AGAP3: variants seen among roughly 807,000 people sequenced by gnomAD.
The protein encoded by AGAP3 is ArfGAP with GTPase domain, ankyrin repeat and PH domain 3, also known as arf-GAP with GTPase, ANK repeat and PH domain-containing protein 3.
A neutral mutation model predicts 96.9 loss-of-function variants in AGAP3; 24 were observed. That is an observed-to-expected ratio of 0.25 (90% CI 0.18 to 0.35). The LOEUF is 0.35. Ranked by LOEUF, AGAP3 falls within the 10% of genes least tolerant of loss-of-function variation. The pLI, the probability that AGAP3 is intolerant of heterozygous loss-of-function variation, is 1.00. For synonymous variants in AGAP3, 563 were observed against 536.1 expected, an observed-to-expected ratio of 1.05 and a Z score of -0.69; for missense variants, 876 against 1,254.2, an observed-to-expected ratio of 0.70 and a Z score of 4.55.
intron 1 of AGAP3, among the ~76,000 whole-genome samples, chr7:151,107,116 C>T (rs1799087831): frequency 6.6e-6 from 1 of 151,916 alleles, no homozygotes; most frequent in African/African-American, 2.4e-5. Context: ...TCGAGACCAG[C>T]CTGGCCAACA....
chr7:151,100,465 G>A (rs141669027), intron 1 of AGAP3, among the ~76,000 whole-genome samples: 4 of 152,298 alleles, frequency 2.6e-5, no homozygotes, highest in East Asian at 1.9e-4. Flanking sequence ...CAGCAGCTAC[G>A]CCAGTGTCGG....
intron 1 of AGAP3, among the ~76,000 whole-genome samples, chr7:151,110,453 CG>C (rs1799233779): frequency 6.6e-6 from 1 of 150,948 alleles, no homozygotes; most frequent in African/African-American, 2.4e-5. Flanking sequence ...GGGATGGAGG[CG>C]GGTCCTGGGG....
chr7:151,106,549 C>CCCA (rs1799061868), intron 1 of AGAP3, among the ~76,000 whole-genome samples: 1 of 152,042 alleles, frequency 6.6e-6, no homozygotes, highest in African/African-American at 2.4e-5. Context: ...GCAGTCTTGA[C>CCCA]CCACTGCAGC....
chr7:151,128,464 A>G (rs1415319343), intron 9 of AGAP3, 116 bp from the exon 10 acceptor site: 1 of 800,130 alleles, frequency 1.2e-6, no homozygotes, highest in African/African-American at 1.7e-5. Context: ...CTTTGCTCAA[A>G]GTGGCCCAGG....
chr7:151,132,371 A>G (rs1966602), intron 10 of AGAP3, among the ~76,000 whole-genome samples: 116,713 of 152,244 alleles, frequency 0.77, 46,130 homozygotes, highest in East Asian at 0.97. Context: ...ATGTGTGCTC[A>G]GGCCAGGCAC....
intron 8 of AGAP3, chr7:151,120,454 CTG>C (rs1799825734): frequency 1.5e-6 from 1 of 662,116 alleles, no homozygotes; most frequent in Non-Finnish European, 2.7e-6. Context: ...TTTAGGGTGT[CTG>C]TGAGCTTGAA....
At chr7:151,109,177 A>AC (rs958656992) in intron 1 of AGAP3, among the ~76,000 whole-genome samples, 3 of 148,308 alleles carry the variant, frequency 2.0e-5, no homozygotes, top group East Asian at 1.9e-4. Context: ...AAAAAAAAAA[A>AC]AAACAAAAAA....
intron 10 of AGAP3, 43 bp downstream of exon 10, chr7:151,128,727 G>C (rs1800283195): frequency 6.5e-7 from 1 of 1,531,642 alleles, no homozygotes. Context: ...TATGGGGAGG[G>C]GGTGGAGGGA....
chr7:151,119,540 G>A (rs567270097), intron 7 of AGAP3, among the ~76,000 whole-genome samples: 1 of 152,318 alleles, frequency 6.6e-6, no homozygotes, highest in South Asian at 2.1e-4. Flanking sequence ...AGTGCCCTGG[G>A]CCACCTCCGG....
intron 8 of AGAP3, chr7:151,123,001 C>T (rs974800917): frequency 7.1e-6 from 10 of 1,411,488 alleles, no homozygotes; most frequent in Non-Finnish European, 9.2e-6. Flanking sequence ...CCCGGCCGGA[C>T]GCTGCAGGCT....
chr7:151,105,988 TG>T (rs1413378573), intron 1 of AGAP3, among the ~76,000 whole-genome samples: 1 of 151,552 alleles, frequency 6.6e-6, no homozygotes, highest in African/African-American at 2.4e-5. Context: ...CCAACCAATC[TG>T]AGGTTTAATG....
chr7:151,111,120 G>C (rs1211464003), intron 1 of AGAP3, among the ~76,000 whole-genome samples: 1 of 152,208 alleles, frequency 6.6e-6, no homozygotes, highest in African/African-American at 2.4e-5. Flanking sequence ...AGGGGTCTTG[G>C]TGTGGCCCCC....
At chr7:151,125,364 G>A (rs78017810) in intron 9 of AGAP3, among the ~76,000 whole-genome samples, 3,869 of 152,328 alleles carry the variant, frequency 0.025, 134 homozygotes, top group East Asian at 0.15. Flanking sequence ...AGACATGTTG[G>A]GTTGGGGAGG....
chr7:151,120,935 T>C, intron 8 of AGAP3: 1 of 928,366 alleles, frequency 1.1e-6, no homozygotes, highest in Non-Finnish European at 1.3e-6. Context: ...CGGGCTTGGC[T>C]GGATGTTCCA....
At chr7:151,095,019 A>G (rs1216347687) in intron 1 of AGAP3, among the ~76,000 whole-genome samples, 1 of 150,890 alleles carries the variant, frequency 6.6e-6, no homozygotes, top group Admixed American at 6.6e-5. Flanking sequence ...GGACTCAGGC[A>G]TGTGTCACCA....
At chr7:151,106,582 A>T (rs1294011793) in intron 1 of AGAP3, among the ~76,000 whole-genome samples, 2 of 152,012 alleles carry the variant, frequency 1.3e-5, no homozygotes, top group African/African-American at 4.8e-5. Flanking sequence ...GGTTCAAGCA[A>T]TTCTCCTGCC....
At chr7:151,101,895 C>T (rs144811276) in intron 1 of AGAP3, among the ~76,000 whole-genome samples, 184 of 152,268 alleles carry the variant, frequency 1.2e-3, no homozygotes, top group African/African-American at 4.4e-3. Context: ...GCCGGTGCGC[C>T]TGGGTGAGGG....
intron 1 of AGAP3, among the ~76,000 whole-genome samples, chr7:151,110,868 CAT>C (rs1386052922): frequency 6.6e-6 from 1 of 152,060 alleles, no homozygotes; most frequent in African/African-American, 2.4e-5. Context: ...CTCCAGAGCT[CAT>C]GTGGTGCTGT....
At chr7:151,135,318 A>G (rs985169106) in intron 11 of AGAP3, among the ~76,000 whole-genome samples, 2 of 152,224 alleles carry the variant, frequency 1.3e-5, no homozygotes, top group Admixed American at 1.3e-4. Flanking sequence ...GCCCAGTAAC[A>G]GCTGCCCTGC....
Sources: gnomAD v4.1 joint callset for allele counts (sites outside exome capture counted in the v4.1 genomes callset) on GRCh38, gnomAD v4.1.1 for gene constraint, MANE v1.5 for transcripts, NCBI Gene and HGNC (gene_info 2026-07-23, HGNC 2026-07-21) for gene names.